The following MINDY3 variants were observed in gnomAD, a reference collection of about 807,000 sequenced individuals.
The protein encoded by MINDY3 is MINDY lysine 48 deubiquitinase 3, also known as ubiquitin carboxyl-terminal hydrolase MINDY-3.
Under a neutral mutation model 69.2 loss-of-function variants are expected in MINDY3, and 38 were observed. The ratio of observed to expected loss-of-function variants is 0.55; its 90% CI spans 0.42 to 0.72. The LOEUF (loss-of-function observed/expected upper bound fraction) is 0.72. Among genes scored for constraint, MINDY3 ranks in the 30% least tolerant of loss-of-function variants. MINDY3 has a pLI of 0.00. For missense variants in MINDY3, 522 were observed against 519.0 expected (o/e 1.01, Z -0.06); for synonymous variants, 192 against 180.1 (o/e 1.07, Z -0.53).
At chr10:15,813,878 T>TA (rs201860178) in intron 10 of MINDY3, among the ~76,000 whole-genome samples, 2,285 of 139,710 alleles carry the variant, frequency 0.016, 46 homozygotes, top group African/African-American at 0.054. Flanking sequence ...ATCAGTTTTA[T>TA]AAAAAAAGAC....
At chr10:15,819,187 C>G (rs1839584861) in intron 9 of MINDY3, among the ~76,000 whole-genome samples, 1 of 152,108 alleles carries the variant, frequency 6.6e-6, no homozygotes, top group African/African-American at 2.4e-5. Flanking sequence ...GGGAAATCTG[C>G]TACACTTATC....
intron 10 of MINDY3, among the ~76,000 whole-genome samples, chr10:15,810,228 C>A (rs1207023545): frequency 6.6e-6 from 1 of 151,748 alleles, no homozygotes; most frequent in Non-Finnish European, 1.5e-5. Flanking sequence ...ATACTAGTGC[C>A]CTTTAAAAAA....
At chr10:15,834,521 A>G in intron 7 of MINDY3, 22 bp downstream of exon 7, 1 of 1,555,316 alleles carries the variant, frequency 6.4e-7, no homozygotes, top group Non-Finnish European at 8.8e-7. Context: ...ACATGAGGAG[A>G]CAAGAGATTT....
At chr10:15,812,160 C>T (rs898358754) in intron 10 of MINDY3, among the ~76,000 whole-genome samples, 5 of 152,130 alleles carry the variant, frequency 3.3e-5, no homozygotes, top group East Asian at 3.9e-4. Flanking sequence ...AGGCTGGTCT[C>T]GAACTCCTGA....
At chr10:15,851,051 T>C (rs902235693) in intron 1 of MINDY3, among the ~76,000 whole-genome samples, 3 of 152,174 alleles carry the variant, frequency 2.0e-5, no homozygotes, top group Admixed American at 6.5e-5. Flanking sequence ...AGTTCCCAAA[T>C]CTTATCTTAT....
At chr10:15,812,963 T>C (rs1419261737) in intron 10 of MINDY3, among the ~76,000 whole-genome samples, 3 of 152,168 alleles carry the variant, frequency 2.0e-5, no homozygotes, top group African/African-American at 7.2e-5. Flanking sequence ...TTTTCCTCTC[T>C]ACCTCACTAC....
intron 10 of MINDY3, among the ~76,000 whole-genome samples, chr10:15,816,472 T>C (rs1238742056): frequency 6.6e-6 from 1 of 151,970 alleles, no homozygotes; most frequent in African/African-American, 2.4e-5. Context: ...ATTAAAACAT[T>C]TTATATCATG....
chr10:15,840,465 G>C (rs1163246771), intron 4 of MINDY3, among the ~76,000 whole-genome samples: 1 of 151,624 alleles, frequency 6.6e-6, no homozygotes, highest in African/African-American at 2.4e-5. Context: ...GGAGAAAAAA[G>C]ACACTGACAA....
intron 13 of MINDY3, among the ~76,000 whole-genome samples, chr10:15,783,440 C>G (rs1564449309): frequency 6.6e-6 from 1 of 152,098 alleles, no homozygotes; most frequent in Non-Finnish European, 1.5e-5. Flanking sequence ...TTTTGTTGGC[C>G]TTTTGCACAT....
intron 10 of MINDY3, among the ~76,000 whole-genome samples, chr10:15,812,773 T>C (rs1265187500): frequency 6.6e-6 from 1 of 152,210 alleles, no homozygotes; most frequent in Non-Finnish European, 1.5e-5. Context: ...ATTGCTTTAA[T>C]AACAAGCAGT....
intron 11 of MINDY3, among the ~76,000 whole-genome samples, chr10:15,791,703 C>G (rs1837431674): frequency 1.3e-5 from 2 of 152,006 alleles, no homozygotes; most frequent in Non-Finnish European, 2.9e-5. Flanking sequence ...GTGTCAAGTC[C>G]TTAGAGATTG....
chr10:15,796,297 T>C (rs1049002351), intron 10 of MINDY3, 125 bp from the exon 11 acceptor site: 86 of 733,114 alleles, frequency 1.2e-4, no homozygotes, highest in Middle Eastern at 5.4e-4. Flanking sequence ...ATTTGTATCA[T>C]AGATGTGTAA....
chr10:15,825,975 T>C (rs1490111874), intron 8 of MINDY3, among the ~76,000 whole-genome samples: 2 of 151,982 alleles, frequency 1.3e-5, no homozygotes, highest in Non-Finnish European at 2.9e-5. Flanking sequence ...CAAATAAGCA[T>C]ACAAAAATAA....
At chr10:15,816,087 G>A (rs772191019) in intron 10 of MINDY3, among the ~76,000 whole-genome samples, 5 of 151,780 alleles carry the variant, frequency 3.3e-5, no homozygotes, top group African/African-American at 9.7e-5. Flanking sequence ...CCAACATGGC[G>A]AAACTGTCTC....
At chr10:15,824,472 G>T (rs1370138422) in intron 8 of MINDY3, among the ~76,000 whole-genome samples, 1 of 152,010 alleles carries the variant, frequency 6.6e-6, no homozygotes, top group African/African-American at 2.4e-5. Context: ...TTTGCTTTGG[G>T]ATCATCCGTA....
At chr10:15,811,933 A>T (rs987449756) in intron 10 of MINDY3, among the ~76,000 whole-genome samples, 12 of 151,856 alleles carry the variant, frequency 7.9e-5, no homozygotes, top group Non-Finnish European at 1.2e-4. Flanking sequence ...TCATTTTTTA[A>T]ATTTTTTTAT....
At chr10:15,798,317 T>TTACATAG (rs1168038833) in intron 10 of MINDY3, among the ~76,000 whole-genome samples, 2 of 152,224 alleles carry the variant, frequency 1.3e-5, no homozygotes, top group South Asian at 2.1e-4. Flanking sequence ...TTATCGCTGT[T>TTACATAG]TACATAGTAG....
intron 8 of MINDY3, among the ~76,000 whole-genome samples, chr10:15,827,269 C>T (rs926386529): frequency 2.0e-5 from 3 of 150,994 alleles, no homozygotes; most frequent in Admixed American, 6.6e-5. Context: ...CAGCCAGGCG[C>T]GGTAGCTCAC....
intron 10 of MINDY3, among the ~76,000 whole-genome samples, chr10:15,804,295 A>C (rs1340818687): frequency 6.6e-6 from 1 of 152,088 alleles, no homozygotes; most frequent in Non-Finnish European, 1.5e-5. Flanking sequence ...TACAATCATG[A>C]AACAGATATC....
Sources: gnomAD v4.1 joint callset for allele counts (sites outside exome capture counted in the v4.1 genomes callset) on GRCh38, gnomAD v4.1.1 for gene constraint, MANE v1.5 for transcripts, NCBI Gene and HGNC (gene_info 2026-07-23, HGNC 2026-07-21) for gene names.